The following CFLAR variants were observed in gnomAD, a reference collection of about 807,000 sequenced individuals.
The protein encoded by CFLAR is CASP8 and FADD like apoptosis regulator, also known as CASP8 and FADD-like apoptosis regulator.
CFLAR carries 14 observed loss-of-function variants against 51.1 expected under a neutral mutation model. The observed-to-expected ratio is 0.27, with a 90% CI of 0.18 to 0.43. The LOEUF (loss-of-function observed/expected upper bound fraction) is 0.43. Among genes scored for constraint, CFLAR ranks in the 20% least tolerant of loss-of-function variants. The pLI is 1.00. For missense variants in CFLAR, 390 were observed against 566.5 expected, an observed-to-expected ratio of 0.69 and a Z score of 3.16; for synonymous variants, 210 against 211.6, an observed-to-expected ratio of 0.99 and a Z score of 0.06.
At chr2:201,135,685 C>T (rs868581421) in intron 3 of CFLAR, among the ~76,000 whole-genome samples, 3 of 144,172 alleles carry the variant, frequency 2.1e-5, no homozygotes, top group South Asian at 2.1e-4. Flanking sequence ...GCTGGAGTGC[C>T]GTGGTGCAAT....
At chr2:201,136,381 C>T (rs774130319) in intron 4 of CFLAR, 22 of 1,598,348 alleles carry the variant, frequency 1.4e-5, no homozygotes, top group Non-Finnish European at 1.8e-5. Flanking sequence ...GGGATCTGCA[C>T]AGGCTGGCAG....
intron 8 of CFLAR, chr2:201,153,286 G>T (rs1170279652): frequency 6.6e-6 from 1 of 152,214 alleles, no homozygotes; most frequent in Non-Finnish European, 1.5e-5. Context: ...GTTTTCATCA[G>T]CTGAGAGGTC....
chr2:201,151,313 A>C (rs1389206779), intron 8 of CFLAR: 2 of 152,210 alleles, frequency 1.3e-5, no homozygotes, highest in Non-Finnish European at 2.9e-5. Flanking sequence ...CATTCTGTTT[A>C]ATTATTTAGC....
In CFLAR at chr2:201,176,293, GGC is replaced by G. The variant is rs1944171082; in HGVS notation, c.*12322_*12323del. 1 of 100,498 alleles carries G rather than the reference GGC, an allele frequency of 1.0e-5. No individual in the cohort carries two copies. The highest frequency in any genetic ancestry group is 4.0e-5 in the African/African-American group (1 of 24,696). 6.2% of individuals were successfully genotyped at this position (100,498 alleles called of 1,614,324 possible). A position where few individuals can be genotyped will look rare whatever the true frequency, so the allele number is the denominator to read the frequency against. ...TTTTCTATTGCGGGGGGGGGGGGCGGGCGGGGGAGCTGCCTGTCCCTGGCACC... is the reference window on the plus strand; with the variant it reads ...TTTTCTATTGCGGGGGGGGGGGGCGGGGGGGAGCTGCCTGTCCCTGGCACC... On this transcript the variant is annotated 3_prime_UTR_variant, in exon 10 of 10. Coordinates refer to ENST00000309955, the MANE Select transcript of CFLAR (RefSeq NM_003879.7).
intron 1 of CFLAR, among the ~76,000 whole-genome samples, chr2:201,128,082 A>C (rs537665968): frequency 5.3e-5 from 8 of 152,258 alleles, no homozygotes; most frequent in African/African-American, 1.9e-4. Flanking sequence ...AATTTGTATA[A>C]TATCTCATTT....
chr2:201,128,438 C>T (rs1314762291), intron 1 of CFLAR, among the ~76,000 whole-genome samples: 1 of 152,160 alleles, frequency 6.6e-6, no homozygotes, highest in African/African-American at 2.4e-5. Flanking sequence ...CAGTTATTTA[C>T]AAATAATCAT....
In CFLAR at chr2:201,171,620, C is replaced by G. The variant is rs760513616; in HGVS notation, c.*7647C>G. 1 of 151,972 alleles carries G rather than the reference C, an allele frequency of 6.6e-6. No homozygotes were observed. Among genetic ancestry groups the G allele is most frequent in the Admixed American group, 6.6e-5 (1 of 15,266 alleles). 9.4% of individuals were successfully genotyped at this position (151,972 alleles called of 1,614,324 possible). A position where few individuals can be genotyped will look rare whatever the true frequency, so the allele number is the denominator to read the frequency against. ...GGGACACGTTTACCTATGTAACAAA[C>G]CCGCACATCCTGCACTTGTATCCAG... On this transcript the variant is annotated 3_prime_UTR_variant, in exon 10 of 10. Coordinates refer to ENST00000309955, the MANE Select transcript of CFLAR (RefSeq NM_003879.7).
intron 4 of CFLAR, 172 bp from the exon 5 acceptor site, chr2:201,140,185 T>A (rs1938330767): frequency 2.8e-6 from 2 of 702,360 alleles, no homozygotes; most frequent in Non-Finnish European, 4.4e-6. Context: ...TATACTCCAT[T>A]CTTCATGATG....
intron 6 of CFLAR, chr2:201,148,705 T>G (rs1940721034): frequency 3.1e-6 from 1 of 325,418 alleles, no homozygotes; most frequent in Non-Finnish European, 5.9e-6. Context: ...CCTATCAAGT[T>G]AAAAACTCAC....
At chr2:201,162,959 A>T in intron 9 of CFLAR, 1 of 709,884 alleles carries the variant, frequency 1.4e-6, no homozygotes, top group Non-Finnish European at 2.6e-6. Context: ...ACATCCTTGT[A>T]ACTTAGTATT....
chr2:201,150,581 C>A (rs1575834536), intron 8 of CFLAR: 1 of 146,608 alleles, frequency 6.8e-6, no homozygotes, highest in Non-Finnish European at 1.5e-5. Context: ...GTGGATCGGG[C>A]TGGGGGAGCT....
intron 8 of CFLAR, among the ~76,000 whole-genome samples, chr2:201,157,080 A>G (rs1324714447): frequency 6.6e-6 from 1 of 152,190 alleles, no homozygotes; most frequent in Non-Finnish European, 1.5e-5. Flanking sequence ...TATTTCCTTT[A>G]AAGTCAATAT....
intron 8 of CFLAR, among the ~76,000 whole-genome samples, chr2:201,152,293 G>A (rs1010658778): frequency 1.3e-5 from 2 of 152,162 alleles, no homozygotes; most frequent in African/African-American, 4.8e-5. Flanking sequence ...ACCACGCTCG[G>A]CTTCTAATTT....
chr2:201,134,282 TG>T (rs1246910201), intron 3 of CFLAR, among the ~76,000 whole-genome samples: 1 of 151,812 alleles, frequency 6.6e-6, no homozygotes, highest in East Asian at 1.9e-4. Flanking sequence ...CACTCCAGCC[TG>T]GGCGACGGAG....
intron 2 of CFLAR, among the ~76,000 whole-genome samples, chr2:201,131,788 A>T (rs1423889022): frequency 6.6e-6 from 1 of 151,948 alleles, no homozygotes; most frequent in Non-Finnish European, 1.5e-5. Flanking sequence ...TTGTAGCTGG[A>T]AGACCTGTTT....
At chr2:201,134,509 C>T (rs1464093619) in intron 3 of CFLAR, among the ~76,000 whole-genome samples, 3 of 151,560 alleles carry the variant, frequency 2.0e-5, no homozygotes, top group Non-Finnish European at 2.9e-5. Context: ...GTGGTGGGCG[C>T]CTGTAATCCC....
intron 9 of CFLAR, chr2:201,163,236 T>A (rs193114798): frequency 1.5e-5 from 19 of 1,297,442 alleles, no homozygotes; most frequent in East Asian, 8.8e-5. Context: ...AACATTTTTT[T>A]AATGTTTATT....
intron 6 of CFLAR, chr2:201,146,778 G>C (rs1010287963): frequency 2.0e-5 from 3 of 152,220 alleles, no homozygotes; most frequent in Admixed American, 2.0e-4. Flanking sequence ...GTTTTGAGTA[G>C]GGCAGTGGCC....
intron 4 of CFLAR, chr2:201,140,064 C>A: frequency 4.9e-6 from 1 of 205,094 alleles, no homozygotes; most frequent in Non-Finnish European, 9.2e-6. Flanking sequence ...ATAAACGCTG[C>A]AGCTGCTGCG....
Sources: gnomAD v4.1 joint callset for allele counts (sites outside exome capture counted in the v4.1 genomes callset) on GRCh38, gnomAD v4.1.1 for gene constraint, MANE v1.5 for transcripts, NCBI Gene and HGNC (gene_info 2026-07-23, HGNC 2026-07-21) for gene names.